Variants in AKR1A1 observed in about 807,000 individuals in gnomAD.
The protein encoded by AKR1A1 is HEL-S-165mP.
In AKR1A1, 26 loss-of-function variants were observed where a neutral mutation model predicts 39.2. The ratio of observed to expected loss-of-function variants is 0.66; its 90% CI spans 0.49 to 0.92. AKR1A1 has a LOEUF of 0.92. Among genes scored for constraint, AKR1A1 ranks in the 40% least tolerant of loss-of-function variants. AKR1A1 has a pLI of 0.00. For missense variants in AKR1A1, 378 were observed against 406.5 expected (o/e 0.93, Z 0.60); for synonymous variants, 141 against 155.5 (o/e 0.91, Z 0.69).
chr1:45,555,446 C>T (rs887747125), intron 1 of AKR1A1, among the ~76,000 whole-genome samples: 21 of 151,818 alleles, frequency 1.4e-4, no homozygotes, highest in Non-Finnish European at 4.4e-5. Flanking sequence ...GACATTGCGC[C>T]GTTGCATTCC....
intron 1 of AKR1A1, among the ~76,000 whole-genome samples, chr1:45,558,266 T>C (rs1419749738): frequency 6.6e-6 from 1 of 151,862 alleles, no homozygotes; most frequent in African/African-American, 2.4e-5. Flanking sequence ...TCTCGCTCTG[T>C]TACCCAGACT....
In AKR1A1 at chr1:45,567,965, G is replaced by A; in HGVS notation, c.357-17G>A. ...TGGCATTTGTGTCCACACTTGGTGG[G>A]GCTGTCTCTCACTCAGGCGGGGAGA... is the stretch of plus-strand genomic sequence containing the variant. On this transcript the variant is annotated splice_polypyrimidine_tract_variant and intron_variant, in intron 4 of 8. Transcript: ENST00000351829. 1.1e-5 allele frequency: 17 copies of A among 1,598,710 alleles called. No individual in the cohort carries two copies. The highest frequency in any genetic ancestry group is 1.4e-5 in the Non-Finnish European group (16 of 1,170,588).
At chr1:45,555,033 A>G (rs550271995) in intron 1 of AKR1A1, among the ~76,000 whole-genome samples, 1 of 152,194 alleles carries the variant, frequency 6.6e-6, no homozygotes, top group Non-Finnish European at 1.5e-5. Flanking sequence ...TACTATCAAC[A>G]TGTTGTCTGG....
In AKR1A1 at chr1:45,569,011, T is replaced by C; in HGVS notation, c.825+12T>C. 1 of 1,613,718 alleles carries C rather than the reference T, an allele frequency of 6.2e-7. No individual in the cohort carries two copies. On this transcript the variant is annotated intron_variant, in intron 7 of 8. Transcript: ENST00000351829. ...TTCAGAACATCAAGGTACTTGGTAA[T>C]GGGTTCTATCTTCTTTAGCTCTTTG...
At position 45,569,743 on chromosome 1, in the gene AKR1A1, G is replaced by A. The variant is rs1644390528; in HGVS notation, c.913-148G>A. 3 of 679,254 alleles carry A rather than the reference G, an allele frequency of 4.4e-6. No homozygotes were observed. The South Asian group carries it at 5.1e-5, about 12-fold the overall frequency. The allele number at this position is 679,254 out of a possible 1,614,324, so 42.1% of individuals were successfully genotyped here. A position where few individuals can be genotyped will look rare whatever the true frequency, so the allele number is the denominator to read the frequency against. The stretch of plus-strand genomic sequence containing the variant: ...GCTAGAATGGTGTTGATACTGTGGT[G>A]TTCTCTGAGGATGGGGATCCCAGCC... On this transcript the variant is annotated intron_variant, in intron 8 of 8. Transcript: ENST00000351829.
intron 1 of AKR1A1, among the ~76,000 whole-genome samples, chr1:45,560,648 C>G (rs1187621547): frequency 6.6e-6 from 1 of 152,052 alleles, no homozygotes; most frequent in Admixed American, 6.6e-5. Flanking sequence ...CTTTACCTCC[C>G]TTGCAGGAGC....
At chr1:45,561,081 A>T (rs1644271919) in intron 1 of AKR1A1, among the ~76,000 whole-genome samples, 1 of 152,172 alleles carries the variant, frequency 6.6e-6, no homozygotes, top group South Asian at 2.1e-4. Flanking sequence ...ATTCTCAGAG[A>T]AGTGGCCCCT....
Position 45,570,007 on chromosome 1 carries a change from C to A in AKR1A1, c.*51C>A. 1 of 1,537,044 alleles carries A rather than the reference C, an allele frequency of 6.5e-7. No individual in the cohort carries two copies. The highest frequency in any genetic ancestry group is 9.0e-7 in the Non-Finnish European group (1 of 1,110,058). ...CAGCTCTGCAGCTAATGAGGTCCTG[C>A]CACAACGGAAAGAGGGAGTTAATAA... On this transcript the variant is annotated 3_prime_UTR_variant, in exon 9 of 9. Coordinates refer to ENST00000351829, the MANE Select transcript of AKR1A1 (RefSeq NM_153326.3).
intron 6 of AKR1A1, 55 bp from the exon 7 acceptor site, chr1:45,568,872 A>G: frequency 6.3e-7 from 1 of 1,590,358 alleles, no homozygotes. Flanking sequence ...GGGGAACAAA[A>G]TAGTGCTTAT....
At position 45,569,834 on chromosome 1, in the gene AKR1A1, G is replaced by A. The variant is rs3748646; in HGVS notation, c.913-57G>A. 5 of 1,490,258 alleles carry A rather than the reference G, an allele frequency of 3.4e-6. No homozygotes were observed. The East Asian group carries it at 1.1e-4, about 34-fold the overall frequency. 92.3% of individuals were successfully genotyped at this position (1,490,258 alleles called of 1,614,324 possible). ...TAGGAAGATTTGGGGAAGATGCCTG[G>A]AGTCTTTGGAATGGCAACTCCTGCT... is the stretch of plus-strand genomic sequence containing the variant. On this transcript the variant is annotated intron_variant, in intron 8 of 8. Transcript: ENST00000351829.
chr1:45,558,449 A>C (rs538591679), intron 1 of AKR1A1, among the ~76,000 whole-genome samples: 1 of 137,448 alleles, frequency 7.3e-6, no homozygotes, highest in Non-Finnish European at 1.5e-5. Flanking sequence ...CCCAAGCCGG[A>C]GTGCAGTGGC....
chr1:45,562,646 G>A (rs1322468463), intron 2 of AKR1A1, among the ~76,000 whole-genome samples: 2 of 152,084 alleles, frequency 1.3e-5, no homozygotes, highest in East Asian at 3.9e-4. Context: ...AGTAGCTGGG[G>A]CTACAGGCAT....
intron 2 of AKR1A1, 85 bp downstream of exon 2, chr1:45,561,963 G>T: frequency 7.6e-7 from 1 of 1,314,814 alleles, no homozygotes; most frequent in Non-Finnish European, 1.1e-6. Context: ...TCCCCTTCCA[G>T]CGGGGATGAG....
In AKR1A1 at chr1:45,569,159, T is replaced by G; in HGVS notation, c.842T>G (p.Phe281Cys). ...LQNIKVFDFT[F>C]SPEEMKQLNA... ...CATCCTCAGGTGTTTGACTTCACCTTTAGCCCAGAAGAGATGAAGCAGCTA... is the reference window on the plus strand; with the variant it reads ...CATCCTCAGGTGTTTGACTTCACCTGTAGCCCAGAAGAGATGAAGCAGCTA... The change falls in exon 8 of 9, where the codon TTT (phenylalanine) becomes TGT (cysteine). Residue 281 changes from phenylalanine (F) to cysteine (C), a missense_variant. Physicochemically the swap from Phe to Cys is radical, Grantham distance 205. Transcript: ENST00000351829. The G allele has an allele frequency of 6.2e-7, 1 of 1,614,172 alleles. No individual in the cohort carries two copies. The highest frequency in any genetic ancestry group is 1.1e-5 in the South Asian group (1 of 91,084).
chr1:45,560,397 G>C (rs1291668805), intron 1 of AKR1A1, among the ~76,000 whole-genome samples: 1 of 152,200 alleles, frequency 6.6e-6, no homozygotes, highest in Non-Finnish European at 1.5e-5. Context: ...TGGATAGCTT[G>C]AGGTCAGAAG....
At chr1:45,562,770 A>G (rs1472818791) in intron 2 of AKR1A1, among the ~76,000 whole-genome samples, 2 of 151,802 alleles carry the variant, frequency 1.3e-5, no homozygotes, top group African/African-American at 4.8e-5. Context: ...TTGGCCTCCC[A>G]AAGTGCTGGG....
chr1:45,564,186 CA>C (rs1644310815), intron 2 of AKR1A1, among the ~76,000 whole-genome samples: 1 of 152,184 alleles, frequency 6.6e-6, no homozygotes, highest in African/African-American at 2.4e-5. Flanking sequence ...AGCCTGGAGC[CA>C]GGGTCCCTGT....
intron 1 of AKR1A1, among the ~76,000 whole-genome samples, chr1:45,553,014 A>T (rs1421633714): frequency 6.6e-6 from 1 of 152,028 alleles, no homozygotes; most frequent in Non-Finnish European, 1.5e-5. Flanking sequence ...AATCCCAGCT[A>T]CTGGGGAGGC....
intron 2 of AKR1A1, among the ~76,000 whole-genome samples, chr1:45,564,445 G>T (rs1010621428): frequency 2.0e-5 from 3 of 152,156 alleles, no homozygotes; most frequent in Non-Finnish European, 4.4e-5. Context: ...TTCCAGTCTG[G>T]ATTTTAGCAA....
Sources: gnomAD v4.1 joint callset for allele counts (sites outside exome capture counted in the v4.1 genomes callset) on GRCh38, gnomAD v4.1.1 for gene constraint, MANE v1.5 for transcripts, NCBI Gene and HGNC (gene_info 2026-07-23, HGNC 2026-07-21) for gene names.